Variants in ROBO2 observed in about 807,000 individuals in gnomAD.
ROBO2 encodes roundabout guidance receptor 2, also known as roundabout homolog 2.
ROBO2 carries 53 observed loss-of-function variants against 160.8 expected under a neutral mutation model. The observed-to-expected ratio is 0.33, with a 90% CI of 0.26 to 0.41. ROBO2 has a LOEUF of 0.41. ROBO2 is among the 10% of genes least tolerant of loss of function. The pLI, the probability that ROBO2 is intolerant of heterozygous loss-of-function variation, is 1.00. For missense variants in ROBO2, 1,577 were observed against 1,722.4 expected (o/e 0.92, Z 1.49); for synonymous variants, 664 against 611.7 (o/e 1.09, Z -1.26).
At chr3:76,976,407 C>A (rs2059818777) in intron 2 of ROBO2, among the ~76,000 whole-genome samples, 1 of 152,136 alleles carries the variant, frequency 6.6e-6, no homozygotes, top group African/African-American at 2.4e-5. Context: ...TTGCTTTAAT[C>A]GCTTAAATGG....
At chr3:76,434,568 C>G (rs1486509368) in intron 2 of ROBO2, 1 of 1,585,764 alleles carries the variant, frequency 6.3e-7, no homozygotes, top group South Asian at 1.1e-5. Context: ...AGTATACGGA[C>G]AGAGCTGCAG....
chr3:76,210,340 A>C (rs1318266812), intron 2 of ROBO2, among the ~76,000 whole-genome samples: 2 of 152,130 alleles, frequency 1.3e-5, no homozygotes, highest in Admixed American at 1.3e-4. Flanking sequence ...AAGCTAAAAA[A>C]TCAGTGGACT....
At chr3:77,133,926 AACT>A (rs1251926138) in intron 2 of ROBO2, among the ~76,000 whole-genome samples, 1 of 152,226 alleles carries the variant, frequency 6.6e-6, no homozygotes, top group Non-Finnish European at 1.5e-5. Context: ...AGTTGGAAAC[AACT>A]GAAGTTTATT....
At chr3:77,205,843 C>T (rs1032149624) in intron 2 of ROBO2, among the ~76,000 whole-genome samples, 1 of 152,092 alleles carries the variant, frequency 6.6e-6, no homozygotes, top group Non-Finnish European at 1.5e-5. Context: ...TTGAAACATG[C>T]GTAAGATCAG....
At chr3:77,599,075 T>G (rs1309350722) in intron 19 of ROBO2, among the ~76,000 whole-genome samples, 1 of 152,152 alleles carries the variant, frequency 6.6e-6, no homozygotes, top group Non-Finnish European at 1.5e-5. Context: ...ATTTTCATGA[T>G]GTGAAATATC....
At chr3:77,442,871 A>G (rs1469140650) in intron 2 of ROBO2, among the ~76,000 whole-genome samples, 3 of 152,224 alleles carry the variant, frequency 2.0e-5, no homozygotes, top group African/African-American at 7.2e-5. Flanking sequence ...CTATACAGAT[A>G]TTAGTAATAA....
At chr3:76,434,160 G>C in intron 2 of ROBO2, 1 of 1,167,752 alleles carries the variant, frequency 8.6e-7, no homozygotes, top group Non-Finnish European at 1.3e-6. Context: ...TGCTGGTCCT[G>C]TGGCAGAGTA....
intron 6 of ROBO2, among the ~76,000 whole-genome samples, chr3:77,536,333 C>T (rs12491756): frequency 0.1 from 15,305 of 152,072 alleles, 1,037 homozygotes; most frequent in South Asian, 0.16. Context: ...CCCACCCTTC[C>T]TTCCTTTCCA....
At chr3:77,447,440 T>C (rs1408970517) in intron 2 of ROBO2, among the ~76,000 whole-genome samples, 2 of 152,118 alleles carry the variant, frequency 1.3e-5, no homozygotes, top group Admixed American at 6.6e-5. Context: ...TAAATTAAAA[T>C]AGACTGTTAA....
chr3:77,629,155 A>G (rs10779982), intron 23 of ROBO2: 92,857 of 151,984 alleles, frequency 0.61, 28,654 homozygotes, highest in South Asian at 0.72. Flanking sequence ...GAGTATCACA[A>G]GTGTGTGTGT....
chr3:76,948,579 ATTTTTTT>A (rs757654181), intron 2 of ROBO2, among the ~76,000 whole-genome samples: 13 of 93,650 alleles, frequency 1.4e-4, no homozygotes, highest in South Asian at 3.4e-4. Flanking sequence ...TTATAATCTA[ATTTTTTT>A]TTTTTTTTTT....
At chr3:77,289,401 G>A (rs539901802) in intron 2 of ROBO2, among the ~76,000 whole-genome samples, 13 of 151,230 alleles carry the variant, frequency 8.6e-5, no homozygotes, top group Middle Eastern at 3.4e-3. Flanking sequence ...TAAAATTGAC[G>A]TTTAAACGGG....
At chr3:77,587,340 C>T (rs1371889117) in intron 16 of ROBO2, among the ~76,000 whole-genome samples, 7 of 151,934 alleles carry the variant, frequency 4.6e-5, no homozygotes, top group Non-Finnish European at 5.9e-5. Flanking sequence ...AACTCTGCTG[C>T]AAAAGATGCT....
chr3:77,541,399 AGAGCT>A (rs1242280240), intron 6 of ROBO2, among the ~76,000 whole-genome samples: 1 of 152,208 alleles, frequency 6.6e-6, no homozygotes, highest in Non-Finnish European at 1.5e-5. Flanking sequence ...TTAGCATAAC[AGAGCT>A]GCAGCGTGAC....
At chr3:76,049,473 G>A (rs978561491) in intron 2 of ROBO2, among the ~76,000 whole-genome samples, 8 of 136,942 alleles carry the variant, frequency 5.8e-5, no homozygotes, top group African/African-American at 2.0e-4. Flanking sequence ...CAAACTCCTG[G>A]ACTCAAGTGA....
chr3:76,185,942 T>TTTTTC (rs1293915931), intron 2 of ROBO2, among the ~76,000 whole-genome samples: 1 of 151,218 alleles, frequency 6.6e-6, no homozygotes, highest in African/African-American at 2.4e-5. Context: ...ACAGATTTTT[T>TTTTTC]TTTTTTTTTG....
At chr3:76,537,832 G>C (rs547084208) in intron 2 of ROBO2, among the ~76,000 whole-genome samples, 149 of 152,238 alleles carry the variant, frequency 9.8e-4, no homozygotes, top group African/African-American at 3.5e-3. Flanking sequence ...GTAGGCAGTA[G>C]AAAGTTACAG....
chr3:77,460,848 A>C (rs2082165416), intron 2 of ROBO2, among the ~76,000 whole-genome samples: 1 of 152,060 alleles, frequency 6.6e-6, no homozygotes, highest in South Asian at 2.1e-4. Flanking sequence ...AATTTCCCAT[A>C]TTTTTTTCCA....
chr3:76,673,572 A>C (rs562819467), intron 2 of ROBO2, among the ~76,000 whole-genome samples: 3 of 152,320 alleles, frequency 2.0e-5, no homozygotes, highest in African/African-American at 7.2e-5. Context: ...AGTAAATAGA[A>C]ATCAAGAAAT....
Sources: allele counts gnomAD v4.1 joint callset (sites outside exome capture counted in the v4.1 genomes callset), GRCh38; gene constraint gnomAD v4.1.1; transcripts MANE v1.5; gene names NCBI Gene and HGNC (gene_info 2026-07-23, HGNC 2026-07-21).